The following NDUFAF2 variants were observed in gnomAD, a reference collection of about 807,000 sequenced individuals.
The protein encoded by NDUFAF2 is NADH:ubiquinone oxidoreductase complex assembly factor 2.
In NDUFAF2, 13 loss-of-function variants were observed where a neutral mutation model predicts 22.8. The observed-to-expected ratio is 0.57, with a 90% CI of 0.37 to 0.91. The LOEUF (loss-of-function observed/expected upper bound fraction) is 0.91. NDUFAF2 is among the 40% of genes least tolerant of loss of function. The probability of loss-of-function intolerance (pLI) is 0.01; values close to 1 mark genes in which losing one functional copy is unlikely to be tolerated. For synonymous variants in NDUFAF2, 53 were observed against 64.2 expected, an observed-to-expected ratio of 0.83 and a Z score of 0.84; for missense variants, 162 against 195.2, an observed-to-expected ratio of 0.83 and a Z score of 1.01.
chr5:61,043,168 T>G (rs1196683662), intron 1 of NDUFAF2, among the ~76,000 whole-genome samples: 1 of 151,928 alleles, frequency 6.6e-6, no homozygotes, highest in Non-Finnish European at 1.5e-5. Context: ...TGCAGTGAGC[T>G]GAGATCACGC....
At chr5:61,143,406 T>C (rs1741085900) in intron 3 of NDUFAF2, among the ~76,000 whole-genome samples, 1 of 152,122 alleles carries the variant, frequency 6.6e-6, no homozygotes, top group Non-Finnish European at 1.5e-5. Context: ...TTAGTGGAGC[T>C]GTCAAGGTCA....
chr5:61,134,871 A>G (rs1740894433), intron 3 of NDUFAF2, among the ~76,000 whole-genome samples: 1 of 152,136 alleles, frequency 6.6e-6, no homozygotes, highest in African/African-American at 2.4e-5. Flanking sequence ...AAAATTTTAA[A>G]AAATGTTTGT....
intron 3 of NDUFAF2, among the ~76,000 whole-genome samples, chr5:61,107,971 C>G (rs1210957549): frequency 6.6e-6 from 1 of 150,894 alleles, no homozygotes; most frequent in Non-Finnish European, 1.5e-5. Flanking sequence ...CCAATTTCAT[C>G]CATGTCCCTA....
At chr5:61,123,463 A>G (rs1241901674) in intron 3 of NDUFAF2, among the ~76,000 whole-genome samples, 1 of 152,116 alleles carries the variant, frequency 6.6e-6, no homozygotes, top group Non-Finnish European at 1.5e-5. Flanking sequence ...ACAATGGTAA[A>G]TATTTGTGTT....
chr5:61,032,308 A>G (rs950264921), intron 1 of NDUFAF2, among the ~76,000 whole-genome samples: 1 of 152,108 alleles, frequency 6.6e-6, no homozygotes, highest in South Asian at 2.1e-4. Flanking sequence ...GCCCATGCCT[A>G]TGTCTTGAAT....
chr5:60,980,248 CAGCG>C lies in NDUFAF2; in HGVS notation c.127+34868_127+34871del, dbSNP rs1175494274. 4.6e-5 allele frequency among the ~76,000 whole-genome samples: 7 copies of C among 152,300 alleles called. 1 individual carries two copies. The East Asian group carries it at 1.4e-3, about 29-fold the overall frequency. On this transcript the variant is annotated intron_variant, in intron 1 of 3. Coordinates refer to ENST00000296597, the MANE Select transcript of NDUFAF2 (RefSeq NM_174889.5). Reference sequence around the variant, plus strand: ...GCTTAATTCTTCAATGCCCAGGCAGCAGCGAATATCCATAAGCATGAAAACCATC... The same window carrying C: ...GCTTAATTCTTCAATGCCCAGGCAGCAATATCCATAAGCATGAAAACCATC...
chr5:60,954,052 G>A (rs1393464793), intron 1 of NDUFAF2, among the ~76,000 whole-genome samples: 1 of 152,142 alleles, frequency 6.6e-6, no homozygotes, highest in African/African-American at 2.4e-5. Flanking sequence ...TTTACTGGAA[G>A]ATTGTGGTGC....
At chr5:61,119,780 G>A (rs1165503733) in intron 3 of NDUFAF2, among the ~76,000 whole-genome samples, 1 of 152,158 alleles carries the variant, frequency 6.6e-6, no homozygotes, top group African/African-American at 2.4e-5. Flanking sequence ...GGTGCCTGAG[G>A]CTCTGCAATG....
At chr5:61,051,370 C>A (rs978700140) in intron 1 of NDUFAF2, among the ~76,000 whole-genome samples, 2 of 152,152 alleles carry the variant, frequency 1.3e-5, no homozygotes, top group African/African-American at 2.4e-5. Context: ...AACCATCTGA[C>A]CCCTGAGACC....
intron 3 of NDUFAF2, among the ~76,000 whole-genome samples, chr5:61,106,076 AC>A (rs1752759322): frequency 6.6e-6 from 1 of 151,556 alleles, no homozygotes; most frequent in South Asian, 2.1e-4. Context: ...TTAGATGCTA[AC>A]CAATAAATAT....
At chr5:61,068,596 C>T (rs746562925) in intron 1 of NDUFAF2, among the ~76,000 whole-genome samples, 1 of 152,016 alleles carries the variant, frequency 6.6e-6, no homozygotes, top group Non-Finnish European at 1.5e-5. Flanking sequence ...TTTTGAGTCA[C>T]GCGCTTACAG....
At chr5:60,967,498 T>C (rs1306740768) in intron 1 of NDUFAF2, among the ~76,000 whole-genome samples, 1 of 152,012 alleles carries the variant, frequency 6.6e-6, no homozygotes, top group Non-Finnish European at 1.5e-5. Context: ...CTTTATTGCA[T>C]TGAGATATAT....
chr5:61,024,570 A>G (rs1051553066), intron 1 of NDUFAF2, among the ~76,000 whole-genome samples: 4 of 152,070 alleles, frequency 2.6e-5, no homozygotes, highest in African/African-American at 9.7e-5. Context: ...TCACTGTTTT[A>G]CTGTTGAGAT....
intron 3 of NDUFAF2, among the ~76,000 whole-genome samples, chr5:61,102,400 A>G (rs983045797): frequency 3.9e-5 from 6 of 152,182 alleles, no homozygotes; most frequent in African/African-American, 2.4e-5. Flanking sequence ...GTTTTTAACA[A>G]TGACATCAAA....
chr5:61,036,025 G>A (rs79581285), intron 1 of NDUFAF2, among the ~76,000 whole-genome samples: 79 of 152,210 alleles, frequency 5.2e-4, no homozygotes, highest in African/African-American at 1.9e-3. Context: ...TTTTTTAATC[G>A]AGTAGATCTC....
At chr5:60,993,703 C>T (rs972165558) in intron 1 of NDUFAF2, among the ~76,000 whole-genome samples, 4 of 152,108 alleles carry the variant, frequency 2.6e-5, no homozygotes, top group Non-Finnish European at 5.9e-5. Context: ...TGGATAGCTC[C>T]TCTCTGCAGC....
chr5:60,998,142 G>A (rs902866100), intron 1 of NDUFAF2, among the ~76,000 whole-genome samples: 1 of 152,014 alleles, frequency 6.6e-6, no homozygotes, highest in African/African-American at 2.4e-5. Context: ...AACATTTTGG[G>A]CAATGTAAAC....
chr5:60,971,447 C>T (rs534938666), intron 1 of NDUFAF2, among the ~76,000 whole-genome samples: 192 of 152,044 alleles, frequency 1.3e-3, no homozygotes, highest in African/African-American at 4.3e-3. Flanking sequence ...CCACCGTGCC[C>T]GGCTAATTTT....
At chr5:61,060,908 T>C (rs1752157673) in intron 1 of NDUFAF2, among the ~76,000 whole-genome samples, 1 of 152,124 alleles carries the variant, frequency 6.6e-6, no homozygotes. Context: ...AACTCTGAAA[T>C]GTAAAGATTA....
Sources: gnomAD v4.1 joint callset for allele counts (sites outside exome capture counted in the v4.1 genomes callset) on GRCh38, gnomAD v4.1.1 for gene constraint, MANE v1.5 for transcripts, NCBI Gene and HGNC (gene_info 2026-07-23, HGNC 2026-07-21) for gene names.